The following LRMDA variants were observed in gnomAD, a reference collection of about 807,000 sequenced individuals.
LRMDA encodes the protein leucine-rich melanocyte differentiation-associated protein.
In LRMDA, 18 loss-of-function variants were observed where a neutral mutation model predicts 29.8. That is an observed-to-expected ratio of 0.60 (90% CI 0.42 to 0.90). The LOEUF (loss-of-function observed/expected upper bound fraction) is 0.90. Ranked by LOEUF, LRMDA falls within the 40% of genes least tolerant of loss-of-function variation. The probability of loss-of-function intolerance (pLI) is 0.00; values close to 1 mark genes in which losing one functional copy is unlikely to be tolerated. For missense variants in LRMDA, 273 were observed against 273.9 expected (o/e 1.00, Z 0.02); for synonymous variants, 125 against 109.4 (o/e 1.14, Z -0.89).
intron 6 of LRMDA, among the ~76,000 whole-genome samples, chr10:76,503,687 T>C (rs566138980): frequency 6.6e-6 from 1 of 152,008 alleles, no homozygotes; most frequent in South Asian, 2.1e-4. Flanking sequence ...TCTTTGTCAC[T>C]TCTGATTTTG....
At chr10:75,519,010 G>A (rs1475119701) in intron 2 of LRMDA, among the ~76,000 whole-genome samples, 2 of 152,182 alleles carry the variant, frequency 1.3e-5, no homozygotes, top group Admixed American at 6.5e-5. Context: ...GTAGTTGTGG[G>A]TTTTGAGTGA....
At chr10:75,641,409 A>AAT (rs34386674) in intron 2 of LRMDA, among the ~76,000 whole-genome samples, 83,899 of 148,660 alleles carry the variant, frequency 0.56, 27,067 homozygotes, top group East Asian at 0.74. Flanking sequence ...GTTAATATAT[A>AAT]ATATATATAT....
intron 6 of LRMDA, among the ~76,000 whole-genome samples, chr10:76,391,738 A>C (rs1317764648): frequency 6.6e-6 from 1 of 152,200 alleles, no homozygotes; most frequent in Non-Finnish European, 1.5e-5. Flanking sequence ...AAAGCTTTGG[A>C]TAGCCCAGCT....
chr10:76,025,425 A>G (rs1848046092), intron 2 of LRMDA, among the ~76,000 whole-genome samples: 1 of 151,664 alleles, frequency 6.6e-6, no homozygotes, highest in African/African-American at 2.4e-5. Flanking sequence ...CTCAACTTCC[A>G]GAGCTCATCT....
At chr10:76,516,677 AT>A (rs1169980639) in intron 6 of LRMDA, among the ~76,000 whole-genome samples, 4 of 152,038 alleles carry the variant, frequency 2.6e-5, no homozygotes, top group African/African-American at 9.7e-5. Context: ...CGAACTCTTC[AT>A]TTTTTATGGC....
chr10:75,640,899 G>A (rs1226453977), intron 2 of LRMDA, among the ~76,000 whole-genome samples: 1 of 152,230 alleles, frequency 6.6e-6, no homozygotes, highest in Non-Finnish European at 1.5e-5. Flanking sequence ...TGGGCCACTT[G>A]CATTGATGTG....
intron 2 of LRMDA, among the ~76,000 whole-genome samples, chr10:75,529,519 C>T (rs890546007): frequency 5.3e-5 from 8 of 152,140 alleles, no homozygotes; most frequent in African/African-American, 1.9e-4. Context: ...GAAAGGGCAT[C>T]TCCAGGGTCA....
intron 5 of LRMDA, among the ~76,000 whole-genome samples, chr10:76,069,310 G>T (rs1200091990): frequency 1.3e-5 from 2 of 152,194 alleles, no homozygotes; most frequent in African/African-American, 4.8e-5. Flanking sequence ...CCTTCTGTTT[G>T]CTTTTCTGCT....
chr10:75,665,484 A>G (rs1464887589), intron 2 of LRMDA, among the ~76,000 whole-genome samples: 2 of 152,240 alleles, frequency 1.3e-5, no homozygotes, highest in African/African-American at 4.8e-5. Flanking sequence ...GGTTAAAATG[A>G]TAAGAACATG....
At chr10:76,402,478 A>G (rs1841859434) in intron 6 of LRMDA, among the ~76,000 whole-genome samples, 1 of 152,050 alleles carries the variant, frequency 6.6e-6, no homozygotes, top group African/African-American at 2.4e-5. Context: ...TAGCCTTCTG[A>G]GTAGCTGGGA....
chr10:75,883,829 A>C (rs567318394), intron 2 of LRMDA, among the ~76,000 whole-genome samples: 1 of 151,192 alleles, frequency 6.6e-6, no homozygotes, highest in East Asian at 2.0e-4. Flanking sequence ...TTGCATGTAC[A>C]ATGAAGGAGA....
intron 2 of LRMDA, among the ~76,000 whole-genome samples, chr10:75,829,252 T>G (rs1844297759): frequency 6.6e-6 from 1 of 151,742 alleles, no homozygotes; most frequent in South Asian, 2.1e-4. Context: ...CAAGGCCAGC[T>G]CAACACTTCA....
At chr10:76,359,520 G>A (rs149000292) in intron 6 of LRMDA, among the ~76,000 whole-genome samples, 5 of 152,248 alleles carry the variant, frequency 3.3e-5, no homozygotes, top group African/African-American at 9.6e-5. Context: ...CATAACACCA[G>A]CGTGTGGCTG....
chr10:75,767,939 G>A (rs573584519), intron 2 of LRMDA, among the ~76,000 whole-genome samples: 1 of 152,340 alleles, frequency 6.6e-6, no homozygotes, highest in East Asian at 1.9e-4. Flanking sequence ...TAGACCAGAT[G>A]TGAAGGGGCT....
At chr10:75,847,282 T>G (rs1215403611) in intron 2 of LRMDA, among the ~76,000 whole-genome samples, 2 of 152,194 alleles carry the variant, frequency 1.3e-5, no homozygotes, top group South Asian at 2.1e-4. Context: ...ACAAATGATG[T>G]TGGCAAAAGT....
At chr10:75,884,194 A>G (rs1021795495) in intron 2 of LRMDA, among the ~76,000 whole-genome samples, 3 of 150,276 alleles carry the variant, frequency 2.0e-5, no homozygotes, top group African/African-American at 4.9e-5. Context: ...AATAGAGTTC[A>G]ATGAAAGCTC....
At chr10:75,880,589 C>G (rs556323343) in intron 2 of LRMDA, among the ~76,000 whole-genome samples, 1 of 152,282 alleles carries the variant, frequency 6.6e-6, no homozygotes, top group African/African-American at 2.4e-5. Flanking sequence ...CCCTTGATAT[C>G]TAGGTGAGAG....
At chr10:76,180,997 C>T (rs980948335) in intron 5 of LRMDA, among the ~76,000 whole-genome samples, 5 of 152,014 alleles carry the variant, frequency 3.3e-5, no homozygotes, top group Non-Finnish European at 5.9e-5. Context: ...GTGCTGTCAG[C>T]TTCCCTCCCT....
chr10:75,702,731 A>T (rs1022689055), intron 2 of LRMDA, among the ~76,000 whole-genome samples: 2 of 152,260 alleles, frequency 1.3e-5, no homozygotes, highest in African/African-American at 4.8e-5. Flanking sequence ...TAAGAGTTAT[A>T]GGCAATTACA....
Sources: gnomAD v4.1 joint callset for allele counts (sites outside exome capture counted in the v4.1 genomes callset) on GRCh38, gnomAD v4.1.1 for gene constraint, MANE v1.5 for transcripts, NCBI Gene and HGNC (gene_info 2026-07-23, HGNC 2026-07-21) for gene names.